Variants in ATRX observed in about 807,000 individuals in gnomAD.
The protein encoded by ATRX is ATRX chromatin remodeler, also known as chromatin remodeler ATRX.
Under a neutral mutation model 172.6 loss-of-function variants are expected in ATRX, and 12 were observed. The observed-to-expected ratio is 0.07, with a 90% CI of 0.04 to 0.11. The LOEUF (loss-of-function observed/expected upper bound fraction) is 0.11, where lower values mean the gene tolerates loss of function less well. Among genes scored for constraint, ATRX ranks in the 10% least tolerant of loss-of-function variants. The pLI is 1.00. For missense variants in ATRX, 1,368 were observed against 1,767.4 expected (o/e 0.77, Z 4.05); for synonymous variants, 674 against 594.7 (o/e 1.13, Z -1.94).
intron 21 of ATRX, among the ~76,000 whole-genome samples, chrX:77,618,275 T>A (rs782581649): frequency 8.9e-6 from 1 of 111,882 alleles, no homozygotes; most frequent in Admixed American, 9.6e-5. Flanking sequence ...TAGACACTTA[T>A]CCATTCATTA....
intron 28 of ATRX, among the ~76,000 whole-genome samples, chrX:77,569,691 A>C (rs1176375238): frequency 8.9e-6 from 1 of 112,110 alleles, no homozygotes; most frequent in Non-Finnish European, 1.9e-5. Context: ...TAAATCTAAC[A>C]AAAGATCTAC....
At chrX:77,718,793 C>G in intron 1 of ATRX, among the ~76,000 whole-genome samples, 1 of 108,407 alleles carries the variant, frequency 9.2e-6, no homozygotes. Context: ...TTAGAGTTAG[C>G]CTCTTGCTCT....
At chrX:77,534,747 TA>T (rs2063693919) in intron 30 of ATRX, among the ~76,000 whole-genome samples, 1 of 111,959 alleles carries the variant, frequency 8.9e-6, no homozygotes, top group Non-Finnish European at 1.9e-5. Context: ...GTTCAATTAA[TA>T]AAACAAAATT....
At chrX:77,588,526 G>T (rs2148079920) in intron 27 of ATRX, among the ~76,000 whole-genome samples, 1 of 111,712 alleles carries the variant, frequency 9.0e-6, no homozygotes, top group East Asian at 2.8e-4. Context: ...CAGCACTTTG[G>T]GAGGCCAACG....
intron 28 of ATRX, among the ~76,000 whole-genome samples, chrX:77,570,902 T>A (rs1264819815): frequency 1.8e-5 from 2 of 111,200 alleles, no homozygotes; most frequent in Admixed American, 9.5e-5. Context: ...CAAAAAGACA[T>A]AAAGAGATTT....
chrX:77,528,504 G>A (rs1398445929), intron 30 of ATRX, among the ~76,000 whole-genome samples: 2 of 110,874 alleles, frequency 1.8e-5, no homozygotes, highest in Non-Finnish European at 3.8e-5. Context: ...TGGAGAAGCC[G>A]AGGAAACTAG....
chrX:77,716,348 A>ATATC (rs1225272437), intron 2 of ATRX, among the ~76,000 whole-genome samples: 1 of 92,100 alleles, frequency 1.1e-5, no homozygotes, highest in Non-Finnish European at 2.1e-5. Flanking sequence ...ATATATATAT[A>ATATC]TCTTTTTAAA....
chrX:77,751,995 A>T (rs1480211379), intron 1 of ATRX, among the ~76,000 whole-genome samples: 1 of 110,146 alleles, frequency 9.1e-6, no homozygotes, highest in Non-Finnish European at 1.9e-5. Context: ...TTTTGGCTCT[A>T]CGTAGTTTTT....
At chrX:77,781,615 A>C (rs782661290) in intron 1 of ATRX, among the ~76,000 whole-genome samples, 1 of 111,118 alleles carries the variant, frequency 9.0e-6, no homozygotes, top group South Asian at 3.8e-4. Context: ...TTACAGATGG[A>C]AAAATAGAAG....
At chrX:77,566,446 C>A (rs984727381) in intron 28 of ATRX, among the ~76,000 whole-genome samples, 1 of 112,104 alleles carries the variant, frequency 8.9e-6, no homozygotes, top group Non-Finnish European at 1.9e-5. Context: ...TTGTTGCCAG[C>A]GGACTTGCTG....
chrX:77,762,688 T>A, intron 1 of ATRX, among the ~76,000 whole-genome samples: 1 of 110,984 alleles, frequency 9.0e-6, no homozygotes, highest in South Asian at 3.8e-4. Context: ...AATGGAGAGT[T>A]GGACAGATGG....
Position 77,676,391 on chromosome X carries a change from C to T in ATRX, c.3737-93G>A, listed in dbSNP as rs1274482497. On this transcript the variant is annotated intron_variant, in intron 9 of 34. Transcript: ENST00000373344. ...AAACTGAAAGCCAAAAACTTTAAAG[C>T]AAACTAAGTGGGGTCTAAACTCTGG... 3.8e-6 allele frequency: 3 copies of T among 790,342 alleles called. No homozygotes were observed. The African/African-American group carries it at 6.2e-5, about 16-fold the overall frequency. 65.1% of individuals were successfully genotyped at this position (790,342 alleles called of 1,213,427 possible). A position where few individuals can be genotyped will look rare whatever the true frequency, so the allele number is the denominator to read the frequency against.
At chrX:77,606,817 TAC>T (rs782264198) in intron 22 of ATRX, among the ~76,000 whole-genome samples, 1 of 104,725 alleles carries the variant, frequency 9.5e-6, no homozygotes, top group East Asian at 3.0e-4. Context: ...CATATAAATA[TAC>T]ACACACACAT....
At chrX:77,648,902 C>T (rs1367306496) in intron 15 of ATRX, among the ~76,000 whole-genome samples, 2 of 111,319 alleles carry the variant, frequency 1.8e-5, no homozygotes, top group African/African-American at 6.5e-5. Context: ...GGTGTGGAGG[C>T]TCCCTACTAT....
chrX:77,639,258 C>T (rs1557109942), intron 15 of ATRX, among the ~76,000 whole-genome samples: 2 of 111,875 alleles, frequency 1.8e-5, no homozygotes, highest in African/African-American at 6.5e-5. Context: ...GTGAGCCTGA[C>T]CTAATTAAAG....
chrX:77,682,277 C>G lies in ATRX; in HGVS notation c.2979G>C (p.Lys993Asn). The G allele has an allele frequency of 8.3e-7, 1 of 1,199,209 alleles. No individual in the cohort carries two copies. The highest frequency in any genetic ancestry group is 1.1e-6 in the Non-Finnish European group (1 of 891,991). ...KQSKKGTEEK[K>N]KPSDFKKKVI... ...CTTTTTTCTTAAAGTCTGAAGGTTT[C>G]TTTTTTTCTTCAGTTCCCTTTTTGC... The change falls in exon 9 of 35, where the codon AAG (lysine) becomes AAC (asparagine). Residue 993 changes from lysine to asparagine, a missense_variant. By Grantham distance (94) the Lys-to-Asn change is moderately conservative. Transcript: ENST00000373344.
rs990642097 is a variant in ATRX at position 77,505,675 on chromosome X, A to G, written c.*2676T>C. 1.7e-5 allele frequency: 3 copies of G among 172,515 alleles called. No individual in the cohort carries two copies. Among genetic ancestry groups the G allele is most frequent in the Non-Finnish European group, 3.3e-5 (3 of 90,144 alleles). 14.2% of individuals were successfully genotyped at this position (172,515 alleles called of 1,213,427 possible). A position where few individuals can be genotyped will look rare whatever the true frequency, so the allele number is the denominator to read the frequency against. The stretch of plus-strand genomic sequence containing the variant: ...ATTTTCTATGAAACAGTATGTGCAC[A>G]GATTTTCAAAGCTGTGAAAATACAA... On this transcript the variant is annotated 3_prime_UTR_variant, in exon 35 of 35. Transcript: ENST00000373344.
intron 1 of ATRX, among the ~76,000 whole-genome samples, chrX:77,767,902 C>T (rs1482206267): frequency 9.0e-6 from 1 of 111,445 alleles, no homozygotes; most frequent in Non-Finnish European, 1.9e-5. Flanking sequence ...TTACCTGATA[C>T]GATTGTTATA....
At chrX:77,688,605 C>T (rs1251525153) in intron 7 of ATRX, among the ~76,000 whole-genome samples, 1 of 111,586 alleles carries the variant, frequency 9.0e-6, no homozygotes, top group Non-Finnish European at 1.9e-5. Context: ...CATCCAAATC[C>T]TATTTACACA....
Sources: allele counts gnomAD v4.1 joint callset (sites outside exome capture counted in the v4.1 genomes callset), GRCh38; gene constraint gnomAD v4.1.1; transcripts MANE v1.5; gene names NCBI Gene and HGNC (gene_info 2026-07-23, HGNC 2026-07-21).